Variants in ZMYND8 observed in about 807,000 individuals in gnomAD.
The protein encoded by ZMYND8 is zinc finger MYND-type containing 8.
In ZMYND8, 37 loss-of-function variants were observed where a neutral mutation model predicts 140.8. That is an observed-to-expected ratio of 0.26 (90% CI 0.20 to 0.35). The LOEUF is 0.35. Ranked by LOEUF, ZMYND8 falls within the 10% of genes least tolerant of loss-of-function variation. The probability of loss-of-function intolerance (pLI) is 1.00; values close to 1 mark genes in which losing one functional copy is unlikely to be tolerated. For missense variants in ZMYND8, 1,068 were observed against 1,570.0 expected (o/e 0.68, Z 5.40); for synonymous variants, 592 against 597.1 (o/e 0.99, Z 0.12).
chr20:47,352,047 T>C (rs2082826129), intron 1 of ZMYND8: 3 of 976,442 alleles, frequency 3.1e-6, no homozygotes, highest in South Asian at 4.7e-5. Flanking sequence ...TGAGGCCCCC[T>C]TGCCCTCAAA....
chr20:47,253,750 C>G (rs189382759), intron 12 of ZMYND8, among the ~76,000 whole-genome samples: 9 of 152,302 alleles, frequency 5.9e-5, no homozygotes, highest in Admixed American at 2.6e-4. Flanking sequence ...TAACTGAGCT[C>G]TGTGTGTGCA....
rs187949252 is a variant in ZMYND8 at position 47,339,728 on chromosome 20, G to A, written c.85+8128C>T. Reference sequence around the variant, plus strand: ...CCTTACCTCATGATCCGCCCACCTCGGCTTCCCAAAATGCTGGGATCACAG... The same window carrying A: ...CCTTACCTCATGATCCGCCCACCTCAGCTTCCCAAAATGCTGGGATCACAG... On this transcript the variant is annotated intron_variant, in intron 2 of 22. Coordinates refer to ENST00000471951, the MANE Select transcript of ZMYND8 (RefSeq NM_001281775.3). Among the ~76,000 whole-genome samples, 310 of 152,060 alleles carry A rather than the reference G, an allele frequency of 2.0e-3. 2 individuals are homozygous for A. Among genetic ancestry groups the A allele is most frequent in the African/African-American group, 7.0e-3 (292 of 41,498 alleles).
chr20:47,275,968 G>A (rs900801504), intron 11 of ZMYND8, among the ~76,000 whole-genome samples: 1 of 152,046 alleles, frequency 6.6e-6, no homozygotes, highest in Non-Finnish European at 1.5e-5. Context: ...TATGAATGTA[G>A]GGTTTTGACA....
intron 19 of ZMYND8, 43 bp downstream of exon 19, chr20:47,224,274 G>A (rs770971251): frequency 6.2e-7 from 1 of 1,609,436 alleles, no homozygotes; most frequent in Non-Finnish European, 8.5e-7. Flanking sequence ...CCAATGCCAA[G>A]CCACTGCAGC....
In ZMYND8 at chr20:47,239,069, C is replaced by T. The variant is rs1308264070; in HGVS notation, c.2354G>A (p.Arg785His). The change falls in exon 15 of 23, where the codon CGC becomes CAC. Residue 785 changes from arginine to histidine, a missense_variant. Arg to His is a conservative substitution (Grantham distance 29, BLOSUM62 0). Transcript: ENST00000471951. ...AGCCGCGGAAGTTTGGGCGGAAGAG[C>T]GGGTGAGCACCGGTGTTTCCGGGGG... ...HSPPETPVLT[R>H]SSAQTSAAGA... 5.8e-6 allele frequency: 9 copies of T among 1,555,046 alleles called. No individual in the cohort carries two copies. Among genetic ancestry groups the T allele is most frequent in the Non-Finnish European group, 6.1e-6 (7 of 1,150,404 alleles).
chr20:47,269,342 C>T (rs762101379), intron 11 of ZMYND8, among the ~76,000 whole-genome samples: 3 of 152,186 alleles, frequency 2.0e-5, no homozygotes, highest in Non-Finnish European at 2.9e-5. Context: ...ACAGAACAGC[C>T]TCACAATACA....
intron 19 of ZMYND8, among the ~76,000 whole-genome samples, chr20:47,222,539 G>A (rs61707073): frequency 0.015 from 2,162 of 144,470 alleles, 89 homozygotes; most frequent in East Asian, 0.15. Flanking sequence ...CCGTCTCAAC[G>A]AAAAAAAAAA....
At chr20:47,322,942 C>T (rs774057982) in intron 2 of ZMYND8, among the ~76,000 whole-genome samples, 1 of 152,136 alleles carries the variant, frequency 6.6e-6, no homozygotes, top group South Asian at 2.1e-4. Flanking sequence ...ACAGCATTGT[C>T]GTTCAGTGTG....
intron 11 of ZMYND8, among the ~76,000 whole-genome samples, chr20:47,272,235 G>A (rs1048793861): frequency 2.0e-5 from 3 of 151,474 alleles, no homozygotes; most frequent in Non-Finnish European, 4.4e-5. Context: ...ATGCCACCAC[G>A]CCCAGCTAAT....
chr20:47,268,726 C>T (rs2075722692), intron 11 of ZMYND8, among the ~76,000 whole-genome samples: 1 of 150,922 alleles, frequency 6.6e-6, no homozygotes, highest in East Asian at 2.0e-4. Flanking sequence ...GCGAGTGAGC[C>T]GAGATTACAC....
At chr20:47,350,452 T>TG (rs1303032713) in intron 1 of ZMYND8, among the ~76,000 whole-genome samples, 7 of 151,790 alleles carry the variant, frequency 4.6e-5, no homozygotes, top group African/African-American at 1.7e-4. Flanking sequence ...TTTCGGTTTT[T>TG]TTGTGTGTGT....
intron 21 of ZMYND8, among the ~76,000 whole-genome samples, chr20:47,216,223 G>A (rs988132202): frequency 8.5e-5 from 13 of 152,164 alleles, no homozygotes; most frequent in Non-Finnish European, 1.6e-4. Context: ...GGCCAGGCAC[G>A]GTGGCTCATG....
chr20:47,234,652 G>A (rs1315336738), intron 16 of ZMYND8, among the ~76,000 whole-genome samples: 1 of 152,024 alleles, frequency 6.6e-6, no homozygotes, highest in East Asian at 1.9e-4. Flanking sequence ...TAAGTTTTGT[G>A]GTAATTTGTT....
chr20:47,281,532 T>C (rs2076604211), intron 10 of ZMYND8, among the ~76,000 whole-genome samples: 2 of 152,130 alleles, frequency 1.3e-5, no homozygotes, highest in South Asian at 4.1e-4. Flanking sequence ...AGGGAACTGC[T>C]ATTAGCTGGA....
Position 47,210,294 on chromosome 20 carries a change from G to T in ZMYND8, c.*467C>A, listed in dbSNP as rs1382253941. On this transcript the variant is annotated 3_prime_UTR_variant, in exon 23 of 23. Coordinates refer to ENST00000471951, the MANE Select transcript of ZMYND8 (RefSeq NM_001281775.3). ...CCTCCCCTGGGTATCCAAGGATGAG[G>T]ACGTGAGTATGAAAGTGGTCCCCGG... is the stretch of plus-strand genomic sequence containing the variant. 6.2e-6 allele frequency: 1 copy of T among 161,738 alleles called. No individual in the cohort carries two copies. Among genetic ancestry groups the T allele is most frequent in the African/African-American group, 2.4e-5 (1 of 41,602 alleles). The allele number at this position is 161,738 out of a possible 1,614,324, so 10.0% of individuals were successfully genotyped here. A position where few individuals can be genotyped will look rare whatever the true frequency, so the allele number is the denominator to read the frequency against.
chr20:47,276,325 T>C lies in ZMYND8; in HGVS notation c.1469A>G (p.Asp490Gly). 1.9e-6 allele frequency: 3 copies of C among 1,565,102 alleles called. No homozygotes were observed. The highest frequency in any genetic ancestry group is 2.6e-6 in the Non-Finnish European group (3 of 1,151,916). ...CGCACGGAGCTGACCTGTGCTCTTA[T>C]CCAGGAAGTCCATGGACTCCTCGCT... ...SASEESMDFL[D>G]KSTASPASTK... is the part of the protein sequence containing the mutation. The change falls in exon 11 of 23, where the codon GAT (aspartate) becomes GGT (glycine). Residue 490 changes from aspartate to glycine, a missense_variant. Asp to Gly is a moderately conservative substitution (Grantham distance 94, BLOSUM62 -1). Around this residue, in one of 10 missense-constraint regions of ZMYND8, gnomAD observed 173 missense variants for 223.3 expected, o/e 0.77. Coordinates refer to ENST00000471951, the MANE Select transcript of ZMYND8 (RefSeq NM_001281775.3).
In ZMYND8 at chr20:47,220,320, A is replaced by AG; in HGVS notation, c.3421dup (p.Leu1141ProfsTer2). 1 of 1,557,710 alleles carries AG rather than the reference A, an allele frequency of 6.4e-7. No individual in the cohort carries two copies. Among genetic ancestry groups the AG allele is most frequent in the Non-Finnish European group, 8.7e-7 (1 of 1,149,938 alleles). ...CGTCTCTCTGGAGCCAGAAAGGTCAAGGGTCTAGAAATACAAAAAGAAAAA... is the reference window on the plus strand; with the variant it reads ...CGTCTCTCTGGAGCCAGAAAGGTCAAGGGGTCTAGAAATACAAAAAGAAAAA... On this transcript the variant is annotated frameshift_variant, in exon 21 of 23. Coordinates refer to ENST00000471951, the MANE Select transcript of ZMYND8 (RefSeq NM_001281775.3). LOFTEE classifies it high-confidence loss of function.
intron 1 of ZMYND8, chr20:47,355,609 T>G: frequency 1.8e-6 from 1 of 550,388 alleles, no homozygotes; most frequent in Non-Finnish European, 2.3e-6. Context: ...CAACTGAATA[T>G]GGAATGCTGT....
intron 21 of ZMYND8, among the ~76,000 whole-genome samples, chr20:47,219,043 C>T (rs899663511): frequency 7.3e-6 from 1 of 136,976 alleles, no homozygotes; most frequent in Non-Finnish European, 1.6e-5. Context: ...ATGGCAAAAC[C>T]CCGTTTCTAC....
Sources: allele counts gnomAD v4.1 joint callset (sites outside exome capture counted in the v4.1 genomes callset), GRCh38; gene constraint gnomAD v4.1.1; regional missense constraint gnomAD v4.1.1; transcripts MANE v1.5; gene names NCBI Gene and HGNC (gene_info 2026-07-23, HGNC 2026-07-21).